The following DOCK3 variants were observed in gnomAD, a reference collection of about 807,000 sequenced individuals.
The protein encoded by DOCK3 is dedicator of cytokinesis protein 3.
Under a neutral mutation model 265.6 loss-of-function variants are expected in DOCK3, and 60 were observed. The observed-to-expected ratio is 0.23, with a 90% confidence interval of 0.18 to 0.28. The LOEUF (loss-of-function observed/expected upper bound fraction) is 0.28, where lower values mean the gene tolerates loss of function less well. DOCK3 is among the 10% of genes least tolerant of loss of function. The pLI, the probability that DOCK3 is intolerant of heterozygous loss-of-function variation, is 1.00. For synonymous variants in DOCK3, 881 were observed against 938.0 expected, an observed-to-expected ratio of 0.94 and a Z score of 1.11; for missense variants, 1,981 against 2,594.3, an observed-to-expected ratio of 0.76 and a Z score of 5.14.
intron 5 of DOCK3, among the ~76,000 whole-genome samples, chr3:51,024,748 A>G (rs2079744028): frequency 6.6e-6 from 1 of 152,154 alleles, no homozygotes; most frequent in Non-Finnish European, 1.5e-5. Context: ...TTGTTCCCTG[A>G]ATTGGGGAAT....
intron 49 of DOCK3, among the ~76,000 whole-genome samples, chr3:51,367,688 G>A (rs2087328602): frequency 1.3e-5 from 2 of 152,132 alleles, no homozygotes; most frequent in Admixed American, 6.5e-5. Context: ...TAGGCCTGGT[G>A]GTGACAAAAT....
At chr3:50,988,916 C>T (rs2078001622) in intron 5 of DOCK3, among the ~76,000 whole-genome samples, 1 of 152,162 alleles carries the variant, frequency 6.6e-6, no homozygotes, top group Admixed American at 6.5e-5. Flanking sequence ...GACAGAGCCT[C>T]CAGGGGCAAC....
chr3:51,173,501 T>A (rs2086790683), intron 12 of DOCK3, among the ~76,000 whole-genome samples: 1 of 152,226 alleles, frequency 6.6e-6, no homozygotes, highest in Non-Finnish European at 1.5e-5. Flanking sequence ...CTTTAGTATT[T>A]CTGAAAAGGC....
At chr3:50,991,572 C>T (rs2078106658) in intron 5 of DOCK3, among the ~76,000 whole-genome samples, 1 of 152,118 alleles carries the variant, frequency 6.6e-6, no homozygotes, top group Non-Finnish European at 1.5e-5. Context: ...AGCATAGGAG[C>T]ACCTGGATTC....
intron 1 of DOCK3, among the ~76,000 whole-genome samples, chr3:50,727,777 A>G (rs776604529): frequency 1.3e-5 from 2 of 152,234 alleles, no homozygotes; most frequent in African/African-American, 4.8e-5. Context: ...TGCACAGTTA[A>G]TAGAGCTTTA....
intron 1 of DOCK3, among the ~76,000 whole-genome samples, chr3:50,743,337 A>G (rs951711576): frequency 1.3e-5 from 2 of 152,144 alleles, no homozygotes; most frequent in African/African-American, 4.8e-5. Flanking sequence ...AAATTCACAC[A>G]TAACAATATT....
At chr3:51,191,031 T>G (rs1416078791) in intron 12 of DOCK3, among the ~76,000 whole-genome samples, 2 of 152,136 alleles carry the variant, frequency 1.3e-5, no homozygotes, top group Non-Finnish European at 2.9e-5. Context: ...AGCTCTTACA[T>G]AGTTGGCAAG....
chr3:51,163,362 T>C (rs188989302), intron 12 of DOCK3, among the ~76,000 whole-genome samples: 18 of 151,854 alleles, frequency 1.2e-4, no homozygotes, highest in Non-Finnish European at 1.9e-4. Context: ...TGTTTTCACT[T>C]GTGTATGGGA....
At chr3:51,205,474 G>A (rs2089140105) in intron 12 of DOCK3, among the ~76,000 whole-genome samples, 1 of 151,282 alleles carries the variant, frequency 6.6e-6, no homozygotes, top group Non-Finnish European at 1.5e-5. Flanking sequence ...CGGGAGGATC[G>A]CTTGAGTTCA....
intron 3 of DOCK3, among the ~76,000 whole-genome samples, chr3:50,876,299 A>G (rs2047698417): frequency 1.3e-5 from 2 of 152,316 alleles, no homozygotes; most frequent in East Asian, 3.9e-4. Context: ...CCAGAGCAAT[A>G]AATCTTCCAT....
At chr3:51,269,135 C>CTA (rs1156936702) in intron 23 of DOCK3, among the ~76,000 whole-genome samples, 141 of 143,486 alleles carry the variant, frequency 9.8e-4, no homozygotes, top group African/African-American at 3.0e-3. Context: ...CTCTCTCTCT[C>CTA]TCTATATATA....
intron 5 of DOCK3, among the ~76,000 whole-genome samples, chr3:50,995,560 T>C (rs1422366430): frequency 6.6e-6 from 1 of 152,138 alleles, no homozygotes; most frequent in Non-Finnish European, 1.5e-5. Flanking sequence ...CTTACAGACT[T>C]TGCAGAGGAA....
chr3:50,922,619 C>T (rs2108050035), intron 4 of DOCK3, among the ~76,000 whole-genome samples: 1 of 152,352 alleles, frequency 6.6e-6, no homozygotes, highest in South Asian at 2.1e-4. Flanking sequence ...TTCTGCGTTG[C>T]TCACGCTGGG....
chr3:51,292,734 G>T (rs2081856779), intron 27 of DOCK3, among the ~76,000 whole-genome samples: 1 of 152,148 alleles, frequency 6.6e-6, no homozygotes, highest in Admixed American at 6.5e-5. Flanking sequence ...CTGGAGTGCA[G>T]TAGCACAATC....
At chr3:51,380,094 A>G in intron 51 of DOCK3, 31 bp from the exon 52 acceptor site, 6 of 1,602,612 alleles carry the variant, frequency 3.7e-6, no homozygotes, top group Non-Finnish European at 5.1e-6. Context: ...CAGGGCCCCC[A>G]GCTGAGGCTC....
At chr3:51,014,788 T>G (rs1575762596) in intron 5 of DOCK3, among the ~76,000 whole-genome samples, 2 of 152,264 alleles carry the variant, frequency 1.3e-5, no homozygotes, top group African/African-American at 4.8e-5. Context: ...CCATGGACTA[T>G]CTTTCCATTT....
intron 32 of DOCK3, among the ~76,000 whole-genome samples, chr3:51,328,016 A>G (rs1435235865): frequency 6.6e-6 from 1 of 152,124 alleles, no homozygotes; most frequent in Non-Finnish European, 1.5e-5. Context: ...ACAAAGTTCA[A>G]AACACTTGAA....
chr3:50,698,456 G>C (rs946764935), intron 1 of DOCK3, among the ~76,000 whole-genome samples: 2 of 128,890 alleles, frequency 1.6e-5, no homozygotes, highest in Non-Finnish European at 3.2e-5. Flanking sequence ...ATTTTTCATC[G>C]TTATGAATAA....
At chr3:51,137,326 A>G (rs971767092) in intron 9 of DOCK3, among the ~76,000 whole-genome samples, 3 of 152,210 alleles carry the variant, frequency 2.0e-5, no homozygotes, top group East Asian at 3.9e-4. Flanking sequence ...GAGAGATGCT[A>G]AGCAGTTGGC....
Sources: allele counts gnomAD v4.1 joint callset (sites outside exome capture counted in the v4.1 genomes callset), GRCh38; gene constraint gnomAD v4.1.1; transcripts MANE v1.5; gene names NCBI Gene and HGNC (gene_info 2026-07-23, HGNC 2026-07-21).